Variants in ALK observed in about 807,000 individuals in gnomAD.
ALK encodes ALK tyrosine kinase receptor.
A neutral mutation model predicts 163.1 loss-of-function variants in ALK; 74 were observed. The observed-to-expected ratio is 0.45, with a 90% confidence interval of 0.38 to 0.55. The LOEUF is 0.55. ALK is among the 20% of genes least tolerant of loss of function. ALK has a pLI of 0.00. For missense variants in ALK, 2,063 were observed against 2,105.3 expected, an observed-to-expected ratio of 0.98 and a Z score of 0.39; for synonymous variants, 960 against 843.2, an observed-to-expected ratio of 1.14 and a Z score of -2.40.
chr2:29,920,599 A>G lies in ALK; in HGVS notation c.61T>C (p.Ser21Pro), dbSNP rs1275224090. 4 of 1,562,558 alleles carry G rather than the reference A, an allele frequency of 2.6e-6. No homozygotes were observed. In the South Asian group the frequency reaches 4.6e-5, roughly 18 times the overall value. Residue 21 changes from serine (S) to proline (P), a missense_variant, in exon 1 of 29, where the codon TCC (serine) becomes CCC (proline). By Grantham distance (74) the Ser-to-Pro change is moderately conservative. Around this residue, in one of 5 missense-constraint regions of ALK, gnomAD observed 987 missense variants for 939.5 expected, o/e 1.05. Transcript: ENST00000389048. ...PLLLSTAAVG[S>P]GMGTGQRAGS... ...GCGCGCTGGCCGGTCCCCATCCCGG[A>G]GCCCACAGCTGCCGTGGAAAGCAGC...
At chr2:29,582,294 C>T (rs192750359) in intron 3 of ALK, among the ~76,000 whole-genome samples, 1 of 152,272 alleles carries the variant, frequency 6.6e-6, no homozygotes, top group African/African-American at 2.4e-5. Flanking sequence ...CTCAGAAACC[C>T]CACCCAAAAT....
At chr2:29,274,644 G>C (rs1000589683) in intron 11 of ALK, among the ~76,000 whole-genome samples, 3 of 152,210 alleles carry the variant, frequency 2.0e-5, no homozygotes, top group Non-Finnish European at 2.9e-5. Context: ...CTGAGCTCTG[G>C]GGGAACTGTG....
intron 3 of ALK, among the ~76,000 whole-genome samples, chr2:29,608,460 T>G (rs978146062): frequency 2.6e-5 from 4 of 152,194 alleles, no homozygotes; most frequent in African/African-American, 9.6e-5. Flanking sequence ...AGCTGATGGA[T>G]CTAAGATTGT....
At chr2:29,585,589 A>G (rs549537480) in intron 3 of ALK, among the ~76,000 whole-genome samples, 132 of 152,298 alleles carry the variant, frequency 8.7e-4, no homozygotes, top group African/African-American at 3.1e-3. Context: ...CGGCCTCCCA[A>G]GGTGCTGAGA....
chr2:29,318,659 C>T (rs1020138816), intron 7 of ALK, among the ~76,000 whole-genome samples: 30 of 151,990 alleles, frequency 2.0e-4, no homozygotes, highest in African/African-American at 5.5e-4. Flanking sequence ...CTCCGCCTCC[C>T]GGGTTCATGC....
In ALK at chr2:29,920,483, C is replaced by T. The variant is rs750466482; in HGVS notation, c.177G>A (p.Val59=). The T allele has an allele frequency of 1.2e-6, 2 of 1,613,088 alleles. No homozygotes were observed. Residue 59 remains valine, a synonymous_variant, in exon 1 of 29, where the codon GTG becomes GTA. Transcript: ENST00000389048. ...CGTAGACACGGAAGAGCGAGGGCAC[C>T]ACGAAGTCAACTGCCAGACTCTTCC... ...LQRKSLAVDF[V]VPSLFRVYAR... is the part of the protein sequence containing the mutation.
intron 4 of ALK, among the ~76,000 whole-genome samples, chr2:29,440,448 C>G (rs887357216): frequency 2.6e-5 from 4 of 151,518 alleles, no homozygotes; most frequent in African/African-American, 4.8e-5. Flanking sequence ...TCCTGAGTAG[C>G]TGGGATTACA....
rs559438566 is a variant in ALK, at chr2:29,799,670, A to G, written c.668-81973T>C. Reference sequence around the variant, plus strand: ...TGCACTCCATCCTGGGTCACAGAGCAAGCCCTGACTCAGAAATAAAGTAAA... The same window carrying G: ...TGCACTCCATCCTGGGTCACAGAGCGAGCCCTGACTCAGAAATAAAGTAAA... On this transcript the variant is annotated intron_variant, in intron 1 of 28. Transcript: ENST00000389048. Among the ~76,000 whole-genome samples the G allele has an allele frequency of 2.6e-5, 4 of 152,348 alleles. No homozygotes were observed. In the South Asian group the frequency reaches 8.3e-4, roughly 32 times the overall value.
At chr2:29,324,689 C>T (rs1194812446) in intron 6 of ALK, among the ~76,000 whole-genome samples, 2 of 152,274 alleles carry the variant, frequency 1.3e-5, no homozygotes, top group African/African-American at 4.8e-5. Context: ...TTCTAGGGAG[C>T]CACATGCCAT....
intron 1 of ALK, among the ~76,000 whole-genome samples, chr2:29,732,250 A>T (rs1159743067): frequency 6.6e-6 from 1 of 152,190 alleles, no homozygotes; most frequent in African/African-American, 2.4e-5. Context: ...TCGCTTGCAA[A>T]TAGTAGAAAG....
At chr2:29,487,210 G>A (rs909532002) in intron 4 of ALK, among the ~76,000 whole-genome samples, 1 of 152,160 alleles carries the variant, frequency 6.6e-6, no homozygotes, top group South Asian at 2.1e-4. Flanking sequence ...TTGGGAGTAT[G>A]GTCCAAAAGG....
At chr2:29,619,012 A>ACC (rs1558410980) in intron 3 of ALK, among the ~76,000 whole-genome samples, 12 of 151,332 alleles carry the variant, frequency 7.9e-5, no homozygotes, top group Non-Finnish European at 1.5e-4. Flanking sequence ...AAAAAAAAAA[A>ACC]CACTTGAAAA....
At chr2:29,319,909 G>A (rs1666962336) in intron 7 of ALK, among the ~76,000 whole-genome samples, 1 of 152,220 alleles carries the variant, frequency 6.6e-6, no homozygotes, top group Non-Finnish European at 1.5e-5. Flanking sequence ...TAGAAAGAAG[G>A]CAAATGAAGA....
At chr2:29,835,138 T>A (rs1558510876) in intron 1 of ALK, among the ~76,000 whole-genome samples, 1 of 152,244 alleles carries the variant, frequency 6.6e-6, no homozygotes, top group Non-Finnish European at 1.5e-5. Context: ...AGTATCCTGC[T>A]AGCAGCTAGC....
At chr2:29,338,797 G>C (rs1667701972) in intron 5 of ALK, among the ~76,000 whole-genome samples, 1 of 152,210 alleles carries the variant, frequency 6.6e-6, no homozygotes. Context: ...AGTTTCAGTA[G>C]AAGAATGTCG....
chr2:29,455,546 G>A (rs886855357), intron 4 of ALK, among the ~76,000 whole-genome samples: 1 of 152,004 alleles, frequency 6.6e-6, no homozygotes, highest in African/African-American at 2.4e-5. Flanking sequence ...TTCTATTTCT[G>A]TCTCTTTTTC....
chr2:29,481,145 G>T (rs554151240), intron 4 of ALK, among the ~76,000 whole-genome samples: 2 of 152,336 alleles, frequency 1.3e-5, no homozygotes, highest in South Asian at 4.1e-4. Flanking sequence ...GGGAGTTTCA[G>T]TCATTCACCC....
At chr2:29,563,907 C>T (rs531538860) in intron 3 of ALK, among the ~76,000 whole-genome samples, 220 of 152,282 alleles carry the variant, frequency 1.4e-3, no homozygotes, top group Non-Finnish European at 1.9e-3. Flanking sequence ...AGTTATGCAA[C>T]CCTTTTAGAC....
chr2:29,800,612 A>T (rs1289484758), intron 1 of ALK, among the ~76,000 whole-genome samples: 2 of 152,118 alleles, frequency 1.3e-5, no homozygotes, highest in Non-Finnish European at 2.9e-5. Context: ...ATTTCCACTG[A>T]AGTGTGGCAA....
Sources: allele counts gnomAD v4.1 joint callset (sites outside exome capture counted in the v4.1 genomes callset), GRCh38; gene constraint gnomAD v4.1.1; regional missense constraint gnomAD v4.1.1; transcripts MANE v1.5; gene names NCBI Gene and HGNC (gene_info 2026-07-23, HGNC 2026-07-21).